The following ITPR2 variants were observed in gnomAD, a reference collection of about 807,000 sequenced individuals.
ITPR2 encodes inositol 1,4,5-trisphosphate receptor type 2.
A neutral mutation model predicts 317.1 loss-of-function variants in ITPR2; 207 were observed. The observed-to-expected ratio is 0.65, with a 90% CI of 0.58 to 0.73. The LOEUF is 0.73. Ranked by LOEUF, ITPR2 falls within the 30% of genes least tolerant of loss-of-function variation. The pLI is 0.00. For missense variants in ITPR2, 2,613 were observed against 3,284.0 expected (o/e 0.80, Z 4.99); for synonymous variants, 1,156 against 1,149.1 (o/e 1.01, Z -0.12).
chr12:26,476,667 T>C (rs559620025), intron 44 of ITPR2, among the ~76,000 whole-genome samples: 54 of 152,318 alleles, frequency 3.5e-4, no homozygotes, highest in African/African-American at 1.2e-3. Flanking sequence ...TAGTTTAGTA[T>C]AGTGTGATAA....
intron 55 of ITPR2, among the ~76,000 whole-genome samples, chr12:26,378,145 T>C (rs1006311645): frequency 5.9e-5 from 9 of 152,000 alleles, no homozygotes; most frequent in Non-Finnish European, 1.3e-4. Flanking sequence ...GGGGTGCATA[T>C]GGTACTGATG....
intron 36 of ITPR2, among the ~76,000 whole-genome samples, chr12:26,550,663 A>G (rs1229857085): frequency 2.0e-5 from 3 of 151,708 alleles, no homozygotes; most frequent in African/African-American, 7.2e-5. Context: ...TATGAACTAA[A>G]ACAAATTTAT....
chr12:26,440,449 A>C (rs1179919877), intron 46 of ITPR2, among the ~76,000 whole-genome samples: 5 of 152,188 alleles, frequency 3.3e-5, no homozygotes, highest in African/African-American at 9.7e-5. Context: ...GACATCACTG[A>C]ATCACTGAAT....
At chr12:26,653,165 C>CCACA (rs1947292841) in intron 21 of ITPR2, among the ~76,000 whole-genome samples, 1 of 152,116 alleles carries the variant, frequency 6.6e-6, no homozygotes, top group Admixed American at 6.5e-5. Flanking sequence ...CCACTTCACT[C>CCACA]CACAGGTTCC....
chr12:26,471,193 A>G (rs1942283624), intron 45 of ITPR2, among the ~76,000 whole-genome samples: 1 of 152,198 alleles, frequency 6.6e-6, no homozygotes, highest in Non-Finnish European at 1.5e-5. Flanking sequence ...TTCTTACTTC[A>G]GGTAGGCATT....
intron 52 of ITPR2, among the ~76,000 whole-genome samples, chr12:26,403,658 G>A (rs1414338276): frequency 6.6e-6 from 1 of 152,134 alleles, no homozygotes; most frequent in Non-Finnish European, 1.5e-5. Flanking sequence ...AAGTAGCAGT[G>A]ATGCAAAGAG....
intron 5 of ITPR2, among the ~76,000 whole-genome samples, chr12:26,716,994 T>G (rs1948750305): frequency 6.6e-6 from 1 of 152,190 alleles, no homozygotes; most frequent in South Asian, 2.1e-4. Context: ...TATTCATAAC[T>G]CAAATTGTGG....
At chr12:26,527,345 T>C (rs1943833041) in intron 37 of ITPR2, among the ~76,000 whole-genome samples, 1 of 152,194 alleles carries the variant, frequency 6.6e-6, no homozygotes, top group Admixed American at 6.5e-5. Flanking sequence ...CTTTGAGAAA[T>C]GTTTGCTGTT....
intron 2 of ITPR2, among the ~76,000 whole-genome samples, chr12:26,780,893 G>A (rs1223177167): frequency 6.6e-6 from 1 of 152,184 alleles, no homozygotes; most frequent in East Asian, 1.9e-4. Context: ...TAAACTGGAA[G>A]TTAAGATTGC....
intron 55 of ITPR2, among the ~76,000 whole-genome samples, chr12:26,351,810 T>C (rs1565484206): frequency 6.6e-6 from 1 of 152,236 alleles, no homozygotes; most frequent in South Asian, 2.1e-4. Flanking sequence ...AAGCCTTTCT[T>C]AATCTTATTA....
intron 13 of ITPR2, among the ~76,000 whole-genome samples, chr12:26,671,605 G>A (rs1947773897): frequency 6.6e-6 from 1 of 152,152 alleles, no homozygotes; most frequent in South Asian, 2.1e-4. Context: ...ATGTCAAAAT[G>A]TAAAGACCAT....
chr12:26,608,045 C>T (rs1591956662), intron 26 of ITPR2, among the ~76,000 whole-genome samples: 4 of 152,220 alleles, frequency 2.6e-5, no homozygotes, highest in Non-Finnish European at 2.9e-5. Context: ...GGCGTGAATC[C>T]GGGAGGTGGA....
chr12:26,435,333 G>T (rs7966599), intron 48 of ITPR2, among the ~76,000 whole-genome samples: 14,548 of 151,880 alleles, frequency 0.096, 981 homozygotes, highest in Non-Finnish European at 0.15. Context: ...CTTTATTGAA[G>T]GTTTATCAGG....
At position 26,393,292 on chromosome 12, in the gene ITPR2, T is replaced by C. The variant is rs1565502098; in HGVS notation, c.7696+5584A>G. On this transcript the variant is annotated intron_variant, in intron 54 of 56. Coordinates refer to ENST00000381340, the MANE Select transcript of ITPR2 (RefSeq NM_002223.4). ...ACCATGTCTAGACCAGTCACTATTT[T>C]ATAGCCTACTAGCACAACCCCCAAA... 1.3e-5 allele frequency among the ~76,000 whole-genome samples: 2 copies of C among 152,366 alleles called. 1 individual carries two copies. The highest frequency in any genetic ancestry group is 4.1e-4 in the South Asian group (2 of 4,834).
At chr12:26,388,349 A>G (rs1939726807) in intron 54 of ITPR2, among the ~76,000 whole-genome samples, 1 of 152,252 alleles carries the variant, frequency 6.6e-6, no homozygotes, top group Non-Finnish European at 1.5e-5. Context: ...GTTGGGATTC[A>G]GTTAGGTTGT....
intron 1 of ITPR2, among the ~76,000 whole-genome samples, chr12:26,816,786 C>G (rs1390836691): frequency 2.0e-5 from 3 of 152,020 alleles, no homozygotes; most frequent in Non-Finnish European, 4.4e-5. Flanking sequence ...ATAGATGAGT[C>G]AGAAAGCTGG....
chr12:26,446,424 G>A (rs563225651), intron 45 of ITPR2, among the ~76,000 whole-genome samples: 1 of 152,188 alleles, frequency 6.6e-6, no homozygotes, highest in African/African-American at 2.4e-5. Flanking sequence ...TTACATAACT[G>A]ATAGTCTCCC....
At position 26,439,225 on chromosome 12, in the gene ITPR2, T is replaced by C; in HGVS notation, c.6545A>G (p.Asn2182Ser). The part of the protein sequence containing the change: ...LTRESKCRVF[N>S]TTERDEQGSK... ...TCCTTGTTCATCCCTTTCAGTTGTA[T>C]TGAACACACGGCACTTGGATTCTCG... Residue 2182 changes from asparagine to serine, a missense_variant, in exon 47 of 57, where the codon AAT (asparagine) becomes AGT (serine). Asn to Ser is a conservative substitution (Grantham distance 46). This residue lies in a region of ITPR2 where 926 missense variants were observed against 1,072.8 expected (regional missense o/e 0.86). Coordinates refer to ENST00000381340, the MANE Select transcript of ITPR2 (RefSeq NM_002223.4). 6.2e-7 allele frequency: 1 copy of C among 1,612,752 alleles called. No homozygotes were observed. The highest frequency in any genetic ancestry group is 8.5e-7 in the Non-Finnish European group (1 of 1,178,872).
At chr12:26,671,466 G>C (rs1337032067) in intron 13 of ITPR2, among the ~76,000 whole-genome samples, 1 of 151,976 alleles carries the variant, frequency 6.6e-6, no homozygotes, top group Admixed American at 6.6e-5. Flanking sequence ...ATAAGTGAAG[G>C]AGAAATAAAA....
Sources: allele counts gnomAD v4.1 joint callset (sites outside exome capture counted in the v4.1 genomes callset), GRCh38; gene constraint gnomAD v4.1.1; regional missense constraint gnomAD v4.1.1; transcripts MANE v1.5; gene names NCBI Gene and HGNC (gene_info 2026-07-23, HGNC 2026-07-21).